The following ATP13A3 variants were observed in gnomAD, a reference collection of about 807,000 sequenced individuals.
The protein encoded by ATP13A3 is polyamine-transporting ATPase 13A3.
ATP13A3 carries 59 observed loss-of-function variants against 158.1 expected under a neutral mutation model. That is an observed-to-expected ratio of 0.37 (90% confidence interval 0.30 to 0.46). The LOEUF is 0.46. Ranked by LOEUF, ATP13A3 falls within the 20% of genes least tolerant of loss-of-function variation. The pLI, the probability that ATP13A3 is intolerant of heterozygous loss-of-function variation, is 1.00. For synonymous variants in ATP13A3, 491 were observed against 504.3 expected, an observed-to-expected ratio of 0.97 and a Z score of 0.35; for missense variants, 1,166 against 1,525.2, an observed-to-expected ratio of 0.76 and a Z score of 3.92.
chr3:194,421,380 T>C (rs986377704), intron 30 of ATP13A3, among the ~76,000 whole-genome samples: 40 of 148,572 alleles, frequency 2.7e-4, no homozygotes, highest in Admixed American at 8.8e-4. Context: ...GGTGAAACCC[T>C]GTCTCTACTA....
intron 31 of ATP13A3, among the ~76,000 whole-genome samples, chr3:194,417,396 G>GAC (rs56119734): frequency 0.11 from 12,695 of 117,898 alleles, 854 homozygotes; most frequent in Admixed American, 0.18. Context: ...GCCAGATTCT[G>GAC]ACACACACAC....
intron 2 of ATP13A3, among the ~76,000 whole-genome samples, chr3:194,474,825 G>A (rs112777972): frequency 1.5e-4 from 23 of 152,190 alleles, no homozygotes; most frequent in African/African-American, 5.6e-4. Flanking sequence ...GCCGGCAAGT[G>A]GCTGCTGTGA....
intron 15 of ATP13A3, 63 bp from the exon 16 acceptor site, chr3:194,441,524 G>A: frequency 7.0e-7 from 1 of 1,418,880 alleles, no homozygotes; most frequent in Non-Finnish European, 9.6e-7. Flanking sequence ...TATTCTAACA[G>A]GGCTTTTCTG....
chr3:194,412,570 G>T lies in ATP13A3; in HGVS notation c.3484-282C>A. ...TTTCCCATATTAAAATGATGCTTAT[G>T]TAATTTGAAGTCTTTCTTCACAATG... On this transcript the variant is annotated intron_variant, in intron 32 of 33. Coordinates refer to ENST00000645319, the MANE Select transcript of ATP13A3 (RefSeq NM_001367549.1). 3 of 362,012 alleles carry T rather than the reference G, an allele frequency of 8.3e-6. No individual in the cohort carries two copies. The South Asian group carries it at 9.1e-5, about 11-fold the overall frequency. 22.4% of individuals were successfully genotyped at this position (362,012 alleles called of 1,614,324 possible).
upstream of ATP13A3, among the ~76,000 whole-genome samples, chr3:194,490,234 C>T (rs1184692883): frequency 2.0e-5 from 3 of 152,178 alleles, no homozygotes; most frequent in African/African-American, 4.8e-5. The surrounding 1 kb of genome is among the most constrained non-coding windows in gnomAD (Gnocchi z 4.4). Context: ...CATCCTACAT[C>T]GGCCCCAGGA....
intron 4 of ATP13A3, among the ~76,000 whole-genome samples, chr3:194,460,266 T>G (rs1719553507): frequency 6.6e-6 from 1 of 152,094 alleles, no homozygotes; most frequent in Non-Finnish European, 1.5e-5. Flanking sequence ...TATTAAAACC[T>G]CTTATAAAAT....
chr3:194,456,763 G>C (rs534186231), intron 7 of ATP13A3, among the ~76,000 whole-genome samples: 1 of 152,044 alleles, frequency 6.6e-6, no homozygotes, highest in Non-Finnish European at 1.5e-5. Context: ...GATCAAGAAA[G>C]ATAAAAATGC....
chr3:194,485,304 A>G (rs1560119203), intron 2 of ATP13A3, among the ~76,000 whole-genome samples: 1 of 152,212 alleles, frequency 6.6e-6, no homozygotes, highest in Non-Finnish European at 1.5e-5. Context: ...AGGGGTTGCA[A>G]ACCAGGATGA....
At chr3:194,441,632 G>C (rs181236276) in intron 15 of ATP13A3, among the ~76,000 whole-genome samples, 171 bp from the exon 16 acceptor site, 1 of 152,162 alleles carries the variant, frequency 6.6e-6, no homozygotes, top group Non-Finnish European at 1.5e-5. Context: ...GAAAACCAGA[G>C]GGGTGTGAAC....
chr3:194,447,671 T>C (rs1718497612), intron 13 of ATP13A3, among the ~76,000 whole-genome samples, 181 bp downstream of exon 13: 1 of 152,114 alleles, frequency 6.6e-6, no homozygotes, highest in African/African-American at 2.4e-5. Flanking sequence ...AAATGTTCTA[T>C]AGCTGGGCTT....
intron 9 of ATP13A3, 75 bp from the exon 10 acceptor site, chr3:194,453,853 A>C: frequency 1.3e-5 from 14 of 1,106,006 alleles, no homozygotes; most frequent in Non-Finnish European, 1.9e-5. Flanking sequence ...AGTGCTAAAA[A>C]AATAAGTTAA....
At chr3:194,462,668 A>G (rs1015445547) in intron 2 of ATP13A3, among the ~76,000 whole-genome samples, 1 of 152,192 alleles carries the variant, frequency 6.6e-6, no homozygotes, top group Admixed American at 6.5e-5. Flanking sequence ...TTAATATTTA[A>G]TAAGATTTTG....
intron 26 of ATP13A3, 111 bp downstream of exon 26, chr3:194,429,961 G>A: frequency 9.5e-7 from 1 of 1,057,454 alleles, no homozygotes; most frequent in Admixed American, 2.5e-5. Context: ...CAGCTCAAAT[G>A]TGCTAATCTG....
intron 33 of ATP13A3, among the ~76,000 whole-genome samples, chr3:194,407,771 A>T (rs1715049808): frequency 6.6e-6 from 1 of 152,196 alleles, no homozygotes; most frequent in Non-Finnish European, 1.5e-5. Flanking sequence ...GAGTTATATC[A>T]GCATCACCTT....
intron 6 of ATP13A3, chr3:194,458,916 ACT>A (rs1302969726): frequency 6.6e-6 from 1 of 152,182 alleles, no homozygotes; most frequent in East Asian, 1.9e-4. Flanking sequence ...TTCCTTTGGC[ACT>A]CTAAAGCAAC....
chr3:194,474,867 C>T (rs528484141), intron 2 of ATP13A3, among the ~76,000 whole-genome samples: 6 of 152,340 alleles, frequency 3.9e-5, no homozygotes, highest in African/African-American at 1.4e-4. Context: ...ATGCTTCACA[C>T]TGGCCACACC....
intron 2 of ATP13A3, among the ~76,000 whole-genome samples, chr3:194,479,611 T>C (rs1720670549): frequency 6.6e-6 from 1 of 151,846 alleles, no homozygotes; most frequent in Non-Finnish European, 1.5e-5. Flanking sequence ...AAGAAAAATC[T>C]TCGGTCTATA....
At chr3:194,469,611 G>C (rs1720204757) in intron 2 of ATP13A3, among the ~76,000 whole-genome samples, 1 of 152,114 alleles carries the variant, frequency 6.6e-6, no homozygotes, top group African/African-American at 2.4e-5. Flanking sequence ...TTGTATTGTT[G>C]AATGAGAGAA....
At chr3:194,418,528 T>TC (rs1197935970) in intron 31 of ATP13A3, among the ~76,000 whole-genome samples, 1 of 152,046 alleles carries the variant, frequency 6.6e-6, no homozygotes, top group African/African-American at 2.4e-5. Context: ...AATAGGCAGT[T>TC]CACAGAGAAA....
Sources: allele counts gnomAD v4.1 joint callset (sites outside exome capture counted in the v4.1 genomes callset), GRCh38; gene constraint gnomAD v4.1.1; non-coding constraint Gnocchi (gnomAD v3.1); transcripts MANE v1.5; gene names NCBI Gene and HGNC (gene_info 2026-07-23, HGNC 2026-07-21).